The following CDC27 variants were observed in gnomAD, a reference collection of about 807,000 sequenced individuals.
CDC27 encodes the protein cell division cycle 27.
CDC27 carries 27 observed loss-of-function variants against 109.7 expected under a neutral mutation model. That is an observed-to-expected ratio of 0.25 (90% CI 0.18 to 0.34). The LOEUF is 0.34. Among genes scored for constraint, CDC27 ranks in the 10% least tolerant of loss-of-function variants. The probability of loss-of-function intolerance (pLI) is 1.00; values close to 1 mark genes in which losing one functional copy is unlikely to be tolerated. For synonymous variants in CDC27, 266 were observed against 333.9 expected, an observed-to-expected ratio of 0.80 and a Z score of 2.22; for missense variants, 579 against 960.2, an observed-to-expected ratio of 0.60 and a Z score of 5.25.
chr17:47,143,404 C>A (rs969674830), intron 10 of CDC27, among the ~76,000 whole-genome samples: 1 of 152,150 alleles, frequency 6.6e-6, no homozygotes, highest in African/African-American at 2.4e-5. Flanking sequence ...AAAGACCTTA[C>A]ATGGATTTCA....
Position 47,137,213 on chromosome 17 carries a change from C to T in CDC27, c.1852G>A (p.Asp618Asn), listed in dbSNP as rs750988492. ...GHEFVLTEEL[D>N]KALACFRNAI... ...TTTCGAAAACAAGCTAATGCTTTGT[C>T]CAATTCTTCAGTTAAGACAAACTCA... Residue 618 changes from aspartate (D) to asparagine (N), a missense_variant, in exon 14 of 19, where the codon GAC becomes AAC. By Grantham distance (23) the Asp-to-Asn change is conservative. This residue lies in a region of CDC27 where 227 missense variants were observed against 363.6 expected (regional missense o/e 0.62). Transcript: ENST00000066544. 1 of 1,611,682 alleles carries T rather than the reference C, an allele frequency of 6.2e-7. No homozygotes were observed. The highest frequency in any genetic ancestry group is 8.5e-7 in the Non-Finnish European group (1 of 1,179,370).
chr17:47,155,531 C>A (rs2063279212), intron 7 of CDC27, among the ~76,000 whole-genome samples: 1 of 152,140 alleles, frequency 6.6e-6, no homozygotes, highest in Admixed American at 6.5e-5. Context: ...CAGGCATGAG[C>A]CCCCATGCCC....
At chr17:47,165,154 T>A (rs1006193311) in intron 4 of CDC27, among the ~76,000 whole-genome samples, 16 of 152,216 alleles carry the variant, frequency 1.1e-4, no homozygotes, top group African/African-American at 3.9e-4. Context: ...CATATCAATA[T>A]AGTAGTTTGT....
At chr17:47,133,532 C>G (rs2062463048) in intron 14 of CDC27, among the ~76,000 whole-genome samples, 1 of 151,838 alleles carries the variant, frequency 6.6e-6, no homozygotes, top group Non-Finnish European at 1.5e-5. Context: ...CTCCGCCTCC[C>G]AGGTTCAAGC....
chr17:47,181,737 T>C, intron 1 of CDC27, 100 bp from the exon 2 acceptor site: 1 of 593,210 alleles, frequency 1.7e-6, no homozygotes, highest in East Asian at 3.0e-5. Flanking sequence ...TTAATATCCC[T>C]AATTTAAGTG....
At chr17:47,158,936 G>A (rs562844505) in intron 4 of CDC27, among the ~76,000 whole-genome samples, 3 of 151,918 alleles carry the variant, frequency 2.0e-5, no homozygotes, top group South Asian at 2.1e-4. Context: ...TATTTTCGTC[G>A]AGATGGGGTT....
chr17:47,162,674 GA>G (rs879715493), intron 4 of CDC27, among the ~76,000 whole-genome samples: 12 of 152,202 alleles, frequency 7.9e-5, no homozygotes, highest in Non-Finnish European at 1.3e-4. Flanking sequence ...GGAAAAGTAA[GA>G]GGGGTGATCC....
At position 47,149,077 on chromosome 17, in the gene CDC27, CAAAAAAAAAAA is replaced by C. The variant is rs71138591; in HGVS notation, c.1070+2718_1070+2728del. ...CCAGGCAACAAGCAAGACTCTGTCT[CAAAAAAAAAAA>C]AAAAAAAAGAAAAAGAAAGAAATTC... On this transcript the variant is annotated intron_variant, in intron 9 of 18. Transcript: ENST00000066544. 4.5e-5 allele frequency among the ~76,000 whole-genome samples: 3 copies of C among 66,886 alleles called. No homozygotes were observed. The East Asian group carries it at 1.3e-3, about 28-fold the overall frequency. The allele number at this position is 66,886 out of a possible 152,430, so 43.9% of individuals were successfully genotyped here.
intron 15 of CDC27, among the ~76,000 whole-genome samples, chr17:47,130,263 A>G (rs527290409): frequency 6.6e-6 from 1 of 152,328 alleles, no homozygotes; most frequent in East Asian, 1.9e-4. Context: ...TGGGAGGCTG[A>G]GGCAGGAGAA....
intron 2 of CDC27, among the ~76,000 whole-genome samples, chr17:47,180,012 C>T (rs961714244): frequency 2.0e-5 from 3 of 152,104 alleles, no homozygotes; most frequent in African/African-American, 7.2e-5. Context: ...TCTGTAACTC[C>T]AGCTCTTTGG....
At chr17:47,131,612 G>A (rs779462443) in intron 15 of CDC27, among the ~76,000 whole-genome samples, 2 of 151,860 alleles carry the variant, frequency 1.3e-5, no homozygotes, top group South Asian at 2.1e-4. Flanking sequence ...TAATAAATGC[G>A]ATTTTAAAAA....
At chr17:47,185,287 T>G (rs1016841460) in intron 1 of CDC27, among the ~76,000 whole-genome samples, 6 of 152,106 alleles carry the variant, frequency 3.9e-5, no homozygotes, top group African/African-American at 1.4e-4. Context: ...CACGCCATTC[T>G]CCTGCCTCAG....
Position 47,147,804 on chromosome 17 carries a change from C to T in CDC27, c.1071-3822G>A, listed in dbSNP as rs568202961. 1.1e-4 allele frequency among the ~76,000 whole-genome samples: 17 copies of T among 148,728 alleles called. No individual in the cohort carries two copies. The East Asian group carries it at 3.0e-3, about 26-fold the overall frequency. On this transcript the variant is annotated intron_variant, in intron 9 of 18. Coordinates refer to ENST00000066544, the MANE Select transcript of CDC27 (RefSeq NM_001256.6). ...TAGTCCCAGCTACTCAGGAGGCTAA[C>T]GCAAGAGAATCGCTTGAGCCAAGGA...
intron 13 of CDC27, among the ~76,000 whole-genome samples, chr17:47,138,200 T>G (rs917165125): frequency 2.6e-5 from 4 of 152,312 alleles, no homozygotes; most frequent in Admixed American, 2.6e-4. Flanking sequence ...AAACTCTCCA[T>G]CACTCCCAGG....
At position 47,119,630 on chromosome 17, in the gene CDC27, G is replaced by A. The variant is rs2061942352; in HGVS notation, c.*1305C>T. 6.6e-6 allele frequency: 1 copy of A among 152,038 alleles called. No homozygotes were observed. The highest frequency in any genetic ancestry group is 2.4e-5 in the African/African-American group (1 of 41,404). The allele number at this position is 152,038 out of a possible 1,614,324, so 9.4% of individuals were successfully genotyped here. A position where few individuals can be genotyped will look rare whatever the true frequency, so the allele number is the denominator to read the frequency against. On this transcript the variant is annotated 3_prime_UTR_variant, in exon 19 of 19. Coordinates refer to ENST00000066544, the MANE Select transcript of CDC27 (RefSeq NM_001256.6). ...AAAAATTTCAATACATTACAGTAAA[G>A]GAGATAAACAATTTAAGACTGTTTA...
rs767267065 is a variant in CDC27 at position 47,128,771 on chromosome 17, AT to A, written c.2160+621del. Among the ~76,000 whole-genome samples the A allele has an allele frequency of 8.2e-3, 1,147 of 139,706 alleles. 6 individuals are homozygous for A. The highest frequency in any genetic ancestry group is 0.023 in the South Asian group (99 of 4,398). The allele number at this position is 139,706 out of a possible 152,430, so 91.7% of individuals were successfully genotyped here. On this transcript the variant is annotated intron_variant, in intron 16 of 18. Transcript: ENST00000066544. ...TTCTTTTTCTGTTTTTTAATTTTTA[AT>A]TTTTTTTTTTTTTTTTGAGATGAAG...
intron 1 of CDC27, among the ~76,000 whole-genome samples, chr17:47,182,536 A>G (rs2064283369): frequency 6.6e-6 from 1 of 152,220 alleles, no homozygotes; most frequent in Non-Finnish European, 1.5e-5. Context: ...ATTTGTACAT[A>G]TCATCTCTAA....
chr17:47,188,572 T>C (rs1427878320), intron 1 of CDC27, among the ~76,000 whole-genome samples: 1 of 152,000 alleles, frequency 6.6e-6, no homozygotes, highest in African/African-American at 2.4e-5. Flanking sequence ...GCACTGAGGC[T>C]TGGAGTTGTC....
intron 4 of CDC27, chr17:47,161,700 A>C (rs1216037135): frequency 1.3e-5 from 2 of 152,298 alleles, no homozygotes; most frequent in Non-Finnish European, 2.9e-5. Context: ...CAGTGAGTCG[A>C]GATCATGCCA....
Sources: gnomAD v4.1 joint callset for allele counts (sites outside exome capture counted in the v4.1 genomes callset) on GRCh38, gnomAD v4.1.1 for gene constraint, gnomAD v4.1.1 regional missense constraint, MANE v1.5 for transcripts, NCBI Gene and HGNC (gene_info 2026-07-23, HGNC 2026-07-21) for gene names.